Variants in ATRNL1 observed in about 807,000 individuals in gnomAD.
ATRNL1 encodes attractin-like protein 1.
A neutral mutation model predicts 182.7 loss-of-function variants in ATRNL1; 95 were observed. That is an observed-to-expected ratio of 0.52 (90% CI 0.44 to 0.62). ATRNL1 has a LOEUF of 0.62. ATRNL1 is among the 20% of genes least tolerant of loss of function. The probability of loss-of-function intolerance (pLI) is 0.00; values close to 1 mark genes in which losing one functional copy is unlikely to be tolerated. For synonymous variants in ATRNL1, 576 were observed against 568.3 expected (o/e 1.01, Z -0.19); for missense variants, 1,471 against 1,679.5 (o/e 0.88, Z 2.17).
At chr10:115,614,457 C>T (rs1382541151) in intron 26 of ATRNL1, among the ~76,000 whole-genome samples, 4 of 152,248 alleles carry the variant, frequency 2.6e-5, no homozygotes, top group East Asian at 1.9e-4. Flanking sequence ...TATGTTCCCT[C>T]CTGGAGAACA....
intron 27 of ATRNL1, among the ~76,000 whole-genome samples, chr10:115,840,882 A>T (rs1950791366): frequency 6.6e-6 from 1 of 152,050 alleles, no homozygotes; most frequent in South Asian, 2.1e-4. Flanking sequence ...GCAAGATGGG[A>T]AGTGACTGAT....
intron 8 of ATRNL1, among the ~76,000 whole-genome samples, chr10:115,197,104 A>G (rs116832572): frequency 0.013 from 2,037 of 152,032 alleles, 32 homozygotes; most frequent in African/African-American, 0.046. Flanking sequence ...TCCTCGAAAT[A>G]GTTTTTTTTT....
At chr10:115,272,908 A>G (rs1298129658) in intron 13 of ATRNL1, among the ~76,000 whole-genome samples, 7 of 152,216 alleles carry the variant, frequency 4.6e-5, no homozygotes, top group Admixed American at 4.6e-4. Flanking sequence ...TGGAATACCA[A>G]GATAGTAGAG....
intron 26 of ATRNL1, among the ~76,000 whole-genome samples, chr10:115,634,246 A>G (rs1473254037): frequency 6.6e-6 from 1 of 152,040 alleles, no homozygotes; most frequent in Non-Finnish European, 1.5e-5. Context: ...TATCCTTACA[A>G]TTTTCCGACT....
chr10:115,631,519 A>C (rs1555026427), intron 26 of ATRNL1, among the ~76,000 whole-genome samples: 1 of 152,136 alleles, frequency 6.6e-6, no homozygotes, highest in East Asian at 1.9e-4. Flanking sequence ...GTTTCACATC[A>C]ATCCTCTTAG....
At chr10:115,304,707 C>A (rs1327989272) in intron 17 of ATRNL1, among the ~76,000 whole-genome samples, 1 of 152,086 alleles carries the variant, frequency 6.6e-6, no homozygotes, top group East Asian at 1.9e-4. Context: ...GCCTTCCCAC[C>A]CTAGCCTTTT....
At chr10:115,150,875 C>A (rs1846193483) in intron 5 of ATRNL1, among the ~76,000 whole-genome samples, 1 of 152,068 alleles carries the variant, frequency 6.6e-6, no homozygotes. Flanking sequence ...CCTCCCTGCT[C>A]CCCCCACCCC....
At chr10:115,912,412 A>ATG (rs1222129556) in intron 28 of ATRNL1, among the ~76,000 whole-genome samples, 1 of 64,836 alleles carries the variant, frequency 1.5e-5, no homozygotes, top group African/African-American at 6.3e-5. Flanking sequence ...ATATATATAT[A>ATG]TATTTGTGTG....
chr10:115,490,295 T>C (rs180959192), intron 24 of ATRNL1, among the ~76,000 whole-genome samples: 2 of 152,368 alleles, frequency 1.3e-5, no homozygotes, highest in East Asian at 3.9e-4. Flanking sequence ...GGGGCAGTTC[T>C]CCTGGATAAT....
chr10:115,936,396 T>G (rs1284076598), intron 28 of ATRNL1, among the ~76,000 whole-genome samples: 1 of 152,180 alleles, frequency 6.6e-6, no homozygotes, highest in Non-Finnish European at 1.5e-5. Flanking sequence ...GCTAAATCCT[T>G]GGGGACTAAA....
chr10:115,594,345 GCTTTT>G (rs1191503367), intron 26 of ATRNL1, among the ~76,000 whole-genome samples: 6 of 151,998 alleles, frequency 3.9e-5, no homozygotes, highest in Non-Finnish European at 8.8e-5. Flanking sequence ...GATTTTATGA[GCTTTT>G]CTTTTTTAAT....
At chr10:115,400,039 A>C (rs1554956575) in intron 20 of ATRNL1, among the ~76,000 whole-genome samples, 3 of 152,112 alleles carry the variant, frequency 2.0e-5, no homozygotes. Context: ...CATCTGACAA[A>C]AGTCTAATTT....
rs782819048 is a variant in ATRNL1 at position 115,315,612 on chromosome 10, T to A, written c.2913T>A (p.His971Gln). ...CNDPSNTGRG[H>Q]CIEGSSRGPM... is the part of the protein sequence containing the mutation. ...ATCCTAGTAATACAGGAAGAGGACA[T>A]TGCATTGAAGGTTCTTCACGGGGAC... is the stretch of plus-strand genomic sequence containing the variant. Residue 971 changes from histidine (H) to glutamine (Q), a missense_variant, in exon 18 of 29, where the codon CAT becomes CAA. His to Gln is a conservative substitution (Grantham distance 24). Transcript: ENST00000355044. 1.2e-6 allele frequency: 2 copies of A among 1,613,780 alleles called. No individual in the cohort carries two copies. Among genetic ancestry groups the A allele is most frequent in the African/African-American group, 2.7e-5 (2 of 74,880 alleles).
rs567420512 is a variant in ATRNL1, at chr10:115,403,704, G to A, written c.3269+8952G>A. Among the ~76,000 whole-genome samples, 3 of 152,226 alleles carry A rather than the reference G, an allele frequency of 2.0e-5. No individual in the cohort carries two copies. The South Asian group carries it at 6.2e-4, about 32-fold the overall frequency. On this transcript the variant is annotated intron_variant, in intron 20 of 28. Transcript: ENST00000355044. ...TGACCTCAAGTGATCCGTCCACCTT[G>A]GCCTACCAAAGTCCTGGGATTACAG...
chr10:115,583,833 T>C (rs1207323118), intron 26 of ATRNL1, among the ~76,000 whole-genome samples: 1 of 150,508 alleles, frequency 6.6e-6, no homozygotes, highest in Non-Finnish European at 1.5e-5. Flanking sequence ...TGTGCCAGTT[T>C]TCAAAGGGAA....
chr10:115,548,315 G>C (rs1852783363), intron 25 of ATRNL1, among the ~76,000 whole-genome samples: 1 of 152,224 alleles, frequency 6.6e-6, no homozygotes, highest in African/African-American at 2.4e-5. Flanking sequence ...GTCATTGAAG[G>C]ATATTCTAAG....
intron 27 of ATRNL1, among the ~76,000 whole-genome samples, chr10:115,835,441 A>G (rs1555095104): frequency 1.3e-5 from 2 of 152,176 alleles, no homozygotes; most frequent in African/African-American, 4.8e-5. Flanking sequence ...GAAGATAAAA[A>G]TCACCATCAG....
intron 27 of ATRNL1, among the ~76,000 whole-genome samples, chr10:115,729,557 TTTG>T (rs1445735777): frequency 6.6e-6 from 1 of 151,280 alleles, no homozygotes; most frequent in Non-Finnish European, 1.5e-5. Context: ...CTTGCTTCTT[TTTG>T]TTTTTTTTTC....
intron 8 of ATRNL1, among the ~76,000 whole-genome samples, chr10:115,178,704 C>A (rs1248417774): frequency 1.3e-5 from 2 of 152,020 alleles, no homozygotes; most frequent in Non-Finnish European, 2.9e-5. Context: ...CTAGCTGGGT[C>A]CTTTTTGCCT....
Sources: allele counts gnomAD v4.1 joint callset (sites outside exome capture counted in the v4.1 genomes callset), GRCh38; gene constraint gnomAD v4.1.1; transcripts MANE v1.5; gene names NCBI Gene and HGNC (gene_info 2026-07-23, HGNC 2026-07-21).